CA10: variants seen among roughly 807,000 people sequenced by gnomAD.
CA10 encodes carbonic anhydrase 10 (inactive), also known as carbonic anhydrase-related protein 10.
A neutral mutation model predicts 44.2 loss-of-function variants in CA10; 14 were observed. That is an observed-to-expected ratio of 0.32 (90% confidence interval 0.21 to 0.50). The LOEUF (loss-of-function observed/expected upper bound fraction) is 0.50. Among genes scored for constraint, CA10 ranks in the 20% least tolerant of loss-of-function variants. CA10 has a pLI of 0.99. For missense variants in CA10, 350 were observed against 409.7 expected, an observed-to-expected ratio of 0.85 and a Z score of 1.26; for synonymous variants, 159 against 141.6, an observed-to-expected ratio of 1.12 and a Z score of -0.87.
At chr17:51,816,917 C>T (rs1455381158) in intron 3 of CA10, among the ~76,000 whole-genome samples, 1 of 152,140 alleles carries the variant, frequency 6.6e-6, no homozygotes, top group Admixed American at 6.5e-5. Context: ...GCAGAGTCCT[C>T]CCTTCCACCA....
At chr17:51,965,037 A>C (rs1984030577) in intron 2 of CA10, among the ~76,000 whole-genome samples, 1 of 151,946 alleles carries the variant, frequency 6.6e-6, no homozygotes, top group South Asian at 2.1e-4. Context: ...AGGTCCAGAT[A>C]AGCACAATCA....
At chr17:51,768,551 T>C in intron 3 of CA10, among the ~76,000 whole-genome samples, 1 of 152,204 alleles carries the variant, frequency 6.6e-6, no homozygotes, top group East Asian at 1.9e-4. Context: ...TGCTGGCTGG[T>C]ACTTTTTCTG....
At chr17:51,973,148 C>T (rs984617388) in intron 2 of CA10, among the ~76,000 whole-genome samples, 1 of 152,136 alleles carries the variant, frequency 6.6e-6, no homozygotes, top group Non-Finnish European at 1.5e-5. Flanking sequence ...AACTATATGA[C>T]TAGAAGTTAA....
At chr17:51,659,025 A>G (rs532427290) in intron 4 of CA10, among the ~76,000 whole-genome samples, 3 of 152,274 alleles carry the variant, frequency 2.0e-5, no homozygotes, top group East Asian at 1.9e-4. Context: ...TTAATTTTAT[A>G]TGGCAACTTG....
intron 2 of CA10, among the ~76,000 whole-genome samples, chr17:51,958,026 C>A (rs1369310098): frequency 9.9e-5 from 15 of 152,040 alleles, no homozygotes; most frequent in Admixed American, 9.8e-4. Context: ...GTGCATGCCT[C>A]TGTGTCCTTT....
chr17:51,988,819 A>G (rs1984936512), intron 2 of CA10, among the ~76,000 whole-genome samples: 1 of 152,038 alleles, frequency 6.6e-6, no homozygotes. Flanking sequence ...ATGCACATTG[A>G]AAAAAATGTG....
chr17:51,815,935 T>C (rs969408373), intron 3 of CA10, among the ~76,000 whole-genome samples: 31 of 152,262 alleles, frequency 2.0e-4, no homozygotes, highest in African/African-American at 7.5e-4. Flanking sequence ...ACAACCCAAC[T>C]ACACTCTTGT....
chr17:51,833,987 T>A (rs566448622), intron 3 of CA10, among the ~76,000 whole-genome samples: 2 of 152,362 alleles, frequency 1.3e-5, no homozygotes, highest in East Asian at 3.9e-4. Context: ...GGTACGACCA[T>A]GGAAAAGGAT....
At chr17:52,141,829 G>A (rs887651299) in intron 1 of CA10, among the ~76,000 whole-genome samples, 5 of 152,130 alleles carry the variant, frequency 3.3e-5, no homozygotes, top group African/African-American at 4.8e-5. Context: ...CTATCATTAC[G>A]GATTGGAGAG....
intron 4 of CA10, among the ~76,000 whole-genome samples, chr17:51,694,617 G>A (rs1915339108): frequency 6.6e-6 from 1 of 151,542 alleles, no homozygotes; most frequent in Admixed American, 6.6e-5. Flanking sequence ...TGTTTACTCT[G>A]TTGATAGCTT....
intron 3 of CA10, among the ~76,000 whole-genome samples, chr17:51,903,127 C>T (rs755681216): frequency 1.1e-4 from 16 of 152,040 alleles, no homozygotes; most frequent in Non-Finnish European, 5.9e-5. Flanking sequence ...ATTATACAGA[C>T]GTACATTAAA....
At chr17:52,144,041 T>A (rs987642526) in intron 1 of CA10, among the ~76,000 whole-genome samples, 1 of 152,214 alleles carries the variant, frequency 6.6e-6, no homozygotes, top group African/African-American at 2.4e-5. Flanking sequence ...CATTTAATTA[T>A]CATTTAAAGA....
At chr17:51,693,870 A>T (rs1216993281) in intron 4 of CA10, among the ~76,000 whole-genome samples, 2 of 152,038 alleles carry the variant, frequency 1.3e-5, no homozygotes, top group African/African-American at 2.4e-5. Flanking sequence ...CCATAATGGG[A>T]TTGTGAGGTT....
intron 1 of CA10, among the ~76,000 whole-genome samples, chr17:52,129,349 T>C (rs1989183809): frequency 6.6e-6 from 1 of 152,236 alleles, no homozygotes; most frequent in Non-Finnish European, 1.5e-5. Flanking sequence ...CTCTTCACCA[T>C]TGCAAATATT....
chr17:51,964,412 T>C (rs989758346), intron 2 of CA10, among the ~76,000 whole-genome samples: 4 of 152,058 alleles, frequency 2.6e-5, no homozygotes, highest in South Asian at 4.1e-4. Context: ...TTGGACCTAA[T>C]GGACATCTAT....
intron 5 of CA10, 65 bp from the exon 6 acceptor site, chr17:51,649,319 A>G: frequency 8.7e-7 from 1 of 1,146,750 alleles, no homozygotes; most frequent in South Asian, 1.2e-5. Context: ...TCTCCCCGTG[A>G]CATTCACTTA....
intron 2 of CA10, among the ~76,000 whole-genome samples, chr17:52,048,082 C>T (rs1022764646): frequency 6.6e-6 from 1 of 150,518 alleles, no homozygotes; most frequent in African/African-American, 2.4e-5. Context: ...TTTTATTTTG[C>T]TGAAGCATCT....
chr17:51,976,023 C>T (rs1200106029), intron 2 of CA10, among the ~76,000 whole-genome samples: 1 of 151,994 alleles, frequency 6.6e-6, no homozygotes, highest in African/African-American at 2.4e-5. Flanking sequence ...TATATAGATA[C>T]CTTACAAATT....
intron 2 of CA10, among the ~76,000 whole-genome samples, chr17:51,987,188 A>G (rs1385834499): frequency 6.6e-6 from 1 of 152,070 alleles, no homozygotes; most frequent in Non-Finnish European, 1.5e-5. Flanking sequence ...ATGGAATACT[A>G]CTTAGCCATA....
Sources: allele counts gnomAD v4.1 joint callset (sites outside exome capture counted in the v4.1 genomes callset), GRCh38; gene constraint gnomAD v4.1.1; transcripts MANE v1.5; gene names NCBI Gene and HGNC (gene_info 2026-07-23, HGNC 2026-07-21).